The following BFSP1 variants were observed in gnomAD, a reference collection of about 807,000 sequenced individuals.
BFSP1 encodes filensin.
In BFSP1, 38 loss-of-function variants were observed where a neutral mutation model predicts 43.9. That is an observed-to-expected ratio of 0.87 (90% CI 0.67 to 1.14). The LOEUF (loss-of-function observed/expected upper bound fraction) is 1.14, where lower values mean the gene tolerates loss of function less well. BFSP1 is among the 50% of genes most tolerant of loss of function. BFSP1 has a pLI of 0.00. For missense variants in BFSP1, 850 were observed against 875.1 expected (o/e 0.97, Z 0.36); for synonymous variants, 352 against 354.8 (o/e 0.99, Z 0.09).
chr20:17,553,800 C>T (rs372658011), intron 1 of BFSP1, among the ~76,000 whole-genome samples: 8,707 of 56,676 alleles, frequency 0.15, 692 homozygotes, highest in African/African-American at 0.34. Flanking sequence ...TATATACACA[C>T]ACACACACAC....
At chr20:17,557,163 G>A (rs1387013245) in intron 1 of BFSP1, among the ~76,000 whole-genome samples, 1 of 152,218 alleles carries the variant, frequency 6.6e-6, no homozygotes, top group Non-Finnish European at 1.5e-5. Context: ...GAGTGGAAAA[G>A]CAAAGGGAGG....
intron 5 of BFSP1, among the ~76,000 whole-genome samples, chr20:17,500,498 AACAG>A (rs2033770776): frequency 6.6e-6 from 1 of 152,242 alleles, no homozygotes; most frequent in Non-Finnish European, 1.5e-5. Context: ...CGCCGGCGTA[AACAG>A]ACTGTGCTGC....
At chr20:17,552,570 G>A (rs556025632) in intron 1 of BFSP1, among the ~76,000 whole-genome samples, 1 of 152,314 alleles carries the variant, frequency 6.6e-6, no homozygotes, top group East Asian at 1.9e-4. Context: ...CAGAAGCAGA[G>A]AGACCAGCCA....
At chr20:17,559,212 C>T (rs746843015), upstream of BFSP1, among the ~76,000 whole-genome samples, 14 of 152,084 alleles carry the variant, frequency 9.2e-5, no homozygotes, top group Non-Finnish European at 1.9e-4. Flanking sequence ...AAAACTACAG[C>T]AATTTATTGC....
rs750461631 is a variant in BFSP1 at position 17,525,554 on chromosome 20, T to C, written c.378-646A>G. Among the ~76,000 whole-genome samples, 1 of 152,214 alleles carries C rather than the reference T, an allele frequency of 6.6e-6. No individual in the cohort carries two copies. Among genetic ancestry groups the C allele is most frequent in the Non-Finnish European group, 1.5e-5 (1 of 68,028 alleles). On this transcript the variant is annotated intron_variant, in intron 1 of 7. Transcript: ENST00000377873. This position sits in a 1 kb window ranked among gnomAD's most constrained non-coding sequence, Gnocchi z 4.2. ...GGACGTGCCAGGGAGTCAGGGCCTC[T>C]GGGAGCAGCCCACAAACTCTGAATG...
chr20:17,565,101 C>T (rs2035105070), intron 1 of BFSP1, among the ~76,000 whole-genome samples: 1 of 152,026 alleles, frequency 6.6e-6, no homozygotes, highest in African/African-American at 2.4e-5. Flanking sequence ...TCTGTCAGAC[C>T]CCTCTGCAGT....
In BFSP1 at chr20:17,501,851, G is replaced by C. The variant is rs60248778; in HGVS notation, c.736-2811C>G. On this transcript the variant is annotated intron_variant, in intron 5 of 7. Transcript: ENST00000377873. ...TGGCCTGTCACATGCCTTCTCTCCT[G>C]GGAATCTGGAAAGGGGTCTCAGAAA... Among the ~76,000 whole-genome samples, 596 of 152,294 alleles carry C rather than the reference G, an allele frequency of 3.9e-3. 5 individuals are homozygous for C. The highest frequency in any genetic ancestry group is 0.014 in the African/African-American group (575 of 41,566).
Position 17,494,497 on chromosome 20 carries a change from CT to C in BFSP1, c.1574del (p.Gln525ArgfsTer18). On this transcript the variant is annotated frameshift_variant, in exon 8 of 8. Transcript: ENST00000377873. LOFTEE classifies it low-confidence loss of function (END_TRUNC). ...ESPKPPLENGQVGLQEKEDGQ... is the reference protein window; with the variant it reads ...ESPKPPLENGXVGLQEKEDGQ... ...CATCTTCTTTCTCCTGCAGACCCAC[CT>C]GCCCATTCTCTAAAGGGGGCTTGGG... 6.2e-7 allele frequency: 1 copy of C among 1,614,238 alleles called. No individual in the cohort carries two copies. Among genetic ancestry groups the C allele is most frequent in the Non-Finnish European group, 8.5e-7 (1 of 1,180,036 alleles).
chr20:17,494,081 CTCT>C lies in BFSP1; in HGVS notation c.1988_1990del (p.Lys663del). On this transcript the variant is annotated inframe_deletion, in exon 8 of 8. Transcript: ENST00000377873. ...CCATCAAGCCTGGGCATTTTAAGAG[CTCT>C]TCTCTCCTGATTTCTTCTTGTCTGA... is the stretch of plus-strand genomic sequence containing the variant. 1 of 1,610,306 alleles carries C rather than the reference CTCT, an allele frequency of 6.2e-7. No individual in the cohort carries two copies. The highest frequency in any genetic ancestry group is 8.5e-7 in the Non-Finnish European group (1 of 1,177,790).
intron 7 of BFSP1, among the ~76,000 whole-genome samples, chr20:17,496,570 T>G (rs2123449831): frequency 6.6e-6 from 1 of 152,342 alleles, no homozygotes; most frequent in East Asian, 1.9e-4. Context: ...GTTCACTTAC[T>G]GCCGAGCGGA....
chr20:17,529,165 C>T (rs1198270882), intron 1 of BFSP1, among the ~76,000 whole-genome samples: 2 of 151,938 alleles, frequency 1.3e-5, no homozygotes, highest in Non-Finnish European at 2.9e-5. Context: ...CTCCGCCTCC[C>T]AGATTCAAGT....
rs554709075 is a variant in BFSP1 at position 17,511,748 on chromosome 20, G to A, written c.627+228C>T. 7.9e-5 allele frequency among the ~76,000 whole-genome samples: 12 copies of A among 152,252 alleles called. 1 individual carries two copies. The highest frequency in any genetic ancestry group is 6.5e-4 in the Admixed American group (10 of 15,296). ...CTCATAATTCTCAAGAGAAAATACC[G>A]AAGAAAATGGTCAAGGATGCGGTTT... is the stretch of plus-strand genomic sequence containing the variant. On this transcript the variant is annotated intron_variant, in intron 4 of 7. Transcript: ENST00000377873.
At chr20:17,542,314 G>A (rs1056267420) in intron 1 of BFSP1, among the ~76,000 whole-genome samples, 1 of 151,784 alleles carries the variant, frequency 6.6e-6, no homozygotes, top group African/African-American at 2.4e-5. Context: ...TGTTGGCCAA[G>A]CATTGTGGCT....
chr20:17,497,256 A>C (rs1375248207), intron 6 of BFSP1, among the ~76,000 whole-genome samples: 1 of 152,074 alleles, frequency 6.6e-6, no homozygotes, highest in East Asian at 1.9e-4. Flanking sequence ...ACCTATAAAA[A>C]ATTGTAAAGT....
chr20:17,556,664 AG>A (rs1381795509), intron 1 of BFSP1, among the ~76,000 whole-genome samples: 1 of 152,004 alleles, frequency 6.6e-6, no homozygotes, highest in Non-Finnish European at 1.5e-5. Context: ...AAATTTGGTG[AG>A]GAGGGAAAGA....
intron 2 of BFSP1, among the ~76,000 whole-genome samples, chr20:17,523,893 C>T (rs1047941661): frequency 2.6e-5 from 4 of 151,950 alleles, no homozygotes; most frequent in African/African-American, 9.7e-5. Flanking sequence ...GAAGGGATGG[C>T]AAACATCCGG....
At chr20:17,519,832 C>A (rs1286412585) in intron 2 of BFSP1, among the ~76,000 whole-genome samples, 1 of 152,244 alleles carries the variant, frequency 6.6e-6, no homozygotes, top group Non-Finnish European at 1.5e-5. Context: ...GTAGGGCCCA[C>A]TGGAATGTAC....
At chr20:17,506,113 C>T (rs2269045) in intron 5 of BFSP1, among the ~76,000 whole-genome samples, 2,759 of 152,260 alleles carry the variant, frequency 0.018, 35 homozygotes, top group East Asian at 0.037. Context: ...CTGCCGGCTC[C>T]GAACGTGGAG....
upstream of BFSP1, among the ~76,000 whole-genome samples, chr20:17,563,643 C>T (rs1387971986): frequency 6.6e-6 from 1 of 152,058 alleles, no homozygotes. Context: ...CTCCCCACCA[C>T]CCCACCAGTT....
Sources: gnomAD v4.1 joint callset for allele counts (sites outside exome capture counted in the v4.1 genomes callset) on GRCh38, gnomAD v4.1.1 for gene constraint, Gnocchi (gnomAD v3.1) non-coding constraint, MANE v1.5 for transcripts, NCBI Gene and HGNC (gene_info 2026-07-23, HGNC 2026-07-21) for gene names.